The following MACROD2 variants were observed in gnomAD, a reference collection of about 807,000 sequenced individuals.
MACROD2 encodes the protein ADP-ribose glycohydrolase MACROD2.
In MACROD2, 36 loss-of-function variants were observed where a neutral mutation model predicts 70.4. The ratio of observed to expected loss-of-function variants is 0.51; its 90% CI spans 0.39 to 0.68. The LOEUF (loss-of-function observed/expected upper bound fraction) is 0.68, where lower values mean the gene tolerates loss of function less well. Ranked by LOEUF, MACROD2 falls within the 30% of genes least tolerant of loss-of-function variation. MACROD2 has a pLI of 0.00. For missense variants in MACROD2, 496 were observed against 538.4 expected, an observed-to-expected ratio of 0.92 and a Z score of 0.78; for synonymous variants, 172 against 178.8, an observed-to-expected ratio of 0.96 and a Z score of 0.30.
chr20:14,042,466 G>C (rs2148640885), intron 2 of MACROD2, among the ~76,000 whole-genome samples: 2 of 152,270 alleles, frequency 1.3e-5, no homozygotes, highest in South Asian at 4.1e-4. Context: ...TGAGCAGTCA[G>C]TTCTGCAGAC....
intron 5 of MACROD2, among the ~76,000 whole-genome samples, chr20:15,015,802 A>C (rs998689327): frequency 1.3e-5 from 2 of 152,240 alleles, no homozygotes; most frequent in African/African-American, 4.8e-5. Flanking sequence ...AAGCAAAGCA[A>C]AATGATTATA....
chr20:14,564,027 C>G (rs554237975), intron 4 of MACROD2, among the ~76,000 whole-genome samples: 50 of 151,730 alleles, frequency 3.3e-4, no homozygotes, highest in Non-Finnish European at 6.0e-4. Flanking sequence ...AAAGAGAACC[C>G]AAAAATAAGG....
chr20:15,893,228 G>T (rs1165330712), intron 10 of MACROD2, among the ~76,000 whole-genome samples: 1 of 152,176 alleles, frequency 6.6e-6, no homozygotes, highest in Non-Finnish European at 1.5e-5. Context: ...AGTCCATTTT[G>T]TCAGTATGTT....
chr20:14,099,810 T>C (rs1296619907), intron 3 of MACROD2, among the ~76,000 whole-genome samples: 1 of 152,186 alleles, frequency 6.6e-6, no homozygotes, highest in Non-Finnish European at 1.5e-5. Context: ...TCTAGATCCT[T>C]GTCAACATTT....
intron 5 of MACROD2, among the ~76,000 whole-genome samples, chr20:14,692,919 G>A (rs1256173041): frequency 6.6e-6 from 1 of 152,126 alleles, no homozygotes; most frequent in African/African-American, 2.4e-5. Flanking sequence ...AATACTAAAT[G>A]TTGTCTTTTA....
At chr20:15,771,057 TATC>T (rs1442464761) in intron 8 of MACROD2, among the ~76,000 whole-genome samples, 2 of 152,248 alleles carry the variant, frequency 1.3e-5, no homozygotes, top group Admixed American at 6.5e-5. Flanking sequence ...CTGCTACAAA[TATC>T]ATACACTGAA....
At chr20:14,511,598 T>G (rs1395231215) in intron 4 of MACROD2, among the ~76,000 whole-genome samples, 1 of 152,056 alleles carries the variant, frequency 6.6e-6, no homozygotes, top group Non-Finnish European at 1.5e-5. Flanking sequence ...CTGAAAGATA[T>G]TTCTCCTCAT....
intron 5 of MACROD2, among the ~76,000 whole-genome samples, chr20:14,818,825 G>GTTTTTTT (rs754477468): frequency 5.1e-5 from 4 of 78,382 alleles, no homozygotes; most frequent in African/African-American, 2.2e-4. Flanking sequence ...TCTTCCTTAG[G>GTTTTTTT]TTTTTTTTTT....
chr20:14,836,126 A>G (rs1330706565), intron 5 of MACROD2, among the ~76,000 whole-genome samples: 1 of 152,078 alleles, frequency 6.6e-6, no homozygotes, highest in Non-Finnish European at 1.5e-5. Context: ...CATAAAACTA[A>G]TAAACACACA....
At chr20:15,882,547 T>C (rs1437300458) in intron 9 of MACROD2, among the ~76,000 whole-genome samples, 2 of 152,028 alleles carry the variant, frequency 1.3e-5, no homozygotes, top group African/African-American at 2.4e-5. Context: ...TGTTTCTAGA[T>C]AGATAAGGGA....
At chr20:16,003,129 C>T (rs1474565641) in intron 15 of MACROD2, among the ~76,000 whole-genome samples, 1 of 144,944 alleles carries the variant, frequency 6.9e-6, no homozygotes, top group East Asian at 2.1e-4. Flanking sequence ...CACAAACAAT[C>T]TCTACCCTCA....
At chr20:14,814,205 C>T (rs1211374549) in intron 5 of MACROD2, among the ~76,000 whole-genome samples, 3 of 152,006 alleles carry the variant, frequency 2.0e-5, no homozygotes, top group Non-Finnish European at 2.9e-5. Context: ...AGTGCTGTTT[C>T]GTGTCTCTCT....
At chr20:15,939,635 T>C (rs1461690962) in intron 12 of MACROD2, among the ~76,000 whole-genome samples, 2 of 151,740 alleles carry the variant, frequency 1.3e-5, no homozygotes, top group Non-Finnish European at 2.9e-5. Context: ...ACATCTAGTG[T>C]GCAGCCAATG....
At chr20:15,925,471 G>A (rs536686530) in intron 10 of MACROD2, among the ~76,000 whole-genome samples, 6 of 152,302 alleles carry the variant, frequency 3.9e-5, no homozygotes, top group East Asian at 1.9e-4. Context: ...TGGGAGAACC[G>A]TATGTTATTT....
At chr20:15,899,880 G>A (rs1306748585) in intron 10 of MACROD2, among the ~76,000 whole-genome samples, 1 of 152,094 alleles carries the variant, frequency 6.6e-6, no homozygotes, top group Non-Finnish European at 1.5e-5. Flanking sequence ...CACTATGCCA[G>A]TTTGAGGGAT....
intron 5 of MACROD2, among the ~76,000 whole-genome samples, chr20:14,953,506 C>T (rs542385994): frequency 6.6e-6 from 1 of 152,182 alleles, no homozygotes; most frequent in African/African-American, 2.4e-5. Context: ...TGGGGTTTCA[C>T]GTGTTAGCCA....
rs1283479801 is a variant in MACROD2 at position 15,939,578 on chromosome 20, C to T, written c.907+2034C>T. Among the ~76,000 whole-genome samples, 12 of 151,220 alleles carry T rather than the reference C, an allele frequency of 7.9e-5. No individual in the cohort carries two copies. In the East Asian group the frequency reaches 1.7e-3, roughly 22 times the overall value. ...AATGCACCTGGTCTTCCGAGAGTTC[C>T]GACAAAGATGTACAAGGAACATAAT... On this transcript the variant is annotated intron_variant, in intron 12 of 17. Coordinates refer to ENST00000684519, the MANE Select transcript of MACROD2 (RefSeq NM_001351661.2).
chr20:15,481,216 CATTATG>C (rs2047092762), intron 7 of MACROD2, among the ~76,000 whole-genome samples: 1 of 152,142 alleles, frequency 6.6e-6, no homozygotes, highest in South Asian at 2.1e-4. Context: ...TGTAAGATAA[CATTATG>C]GTCTGGGTTT....
intron 3 of MACROD2, among the ~76,000 whole-genome samples, chr20:14,294,943 T>C (rs2082414762): frequency 6.6e-6 from 1 of 151,694 alleles, no homozygotes; most frequent in South Asian, 2.1e-4. Flanking sequence ...CACAGAAGTG[T>C]CAGAAACACT....
Sources: allele counts gnomAD v4.1 joint callset (sites outside exome capture counted in the v4.1 genomes callset), GRCh38; gene constraint gnomAD v4.1.1; transcripts MANE v1.5; gene names NCBI Gene and HGNC (gene_info 2026-07-23, HGNC 2026-07-21).